DNAH6: variants seen among roughly 807,000 people sequenced by gnomAD.
The protein encoded by DNAH6 is dynein axonemal heavy chain 6, also known as axonemal beta dynein heavy chain 6.
DNAH6 carries 340 observed loss-of-function variants against 491.4 expected under a neutral mutation model. The ratio of observed to expected loss-of-function variants is 0.69; its 90% confidence interval spans 0.63 to 0.76. The LOEUF is 0.76. Among genes scored for constraint, DNAH6 ranks in the 30% least tolerant of loss-of-function variants. The pLI is 0.00. For synonymous variants in DNAH6, 1,603 were observed against 1,686.1 expected, an observed-to-expected ratio of 0.95 and a Z score of 1.21; for missense variants, 4,443 against 4,972.2, an observed-to-expected ratio of 0.89 and a Z score of 3.20.
intron 18 of DNAH6, among the ~76,000 whole-genome samples, chr2:84,597,508 AG>A (rs1426689717): frequency 6.6e-6 from 1 of 152,220 alleles, no homozygotes; most frequent in Non-Finnish European, 1.5e-5. Context: ...TGTTGCTGGT[AG>A]GATCGTAAGG....
At chr2:84,718,439 C>T (rs1697761051) in intron 59 of DNAH6, 55 bp downstream of exon 59, 2 of 1,402,650 alleles carry the variant, frequency 1.4e-6, no homozygotes, top group African/African-American at 2.9e-5. Flanking sequence ...AAAGTTATAA[C>T]TACAGCCTTT....
intron 3 of DNAH6, among the ~76,000 whole-genome samples, chr2:84,527,142 C>T (rs1173439629): frequency 6.6e-6 from 1 of 152,034 alleles, no homozygotes; most frequent in Admixed American, 6.6e-5. Context: ...AGGAGGATTT[C>T]CTGGGAGGTA....
chr2:84,545,161 A>T (rs1241553870), intron 5 of DNAH6, among the ~76,000 whole-genome samples: 1 of 152,176 alleles, frequency 6.6e-6, no homozygotes, highest in Non-Finnish European at 1.5e-5. Flanking sequence ...CTATGACACT[A>T]TCTCAAGTTT....
intron 63 of DNAH6, among the ~76,000 whole-genome samples, chr2:84,753,776 A>G (rs1323003933): frequency 6.7e-6 from 1 of 149,766 alleles, no homozygotes; most frequent in Non-Finnish European, 1.5e-5. Context: ...AAAAAAAAAA[A>G]AAAGTACAGT....
intron 45 of DNAH6, among the ~76,000 whole-genome samples, chr2:84,690,975 A>G (rs575337231): frequency 2.0e-5 from 3 of 152,354 alleles, no homozygotes; most frequent in African/African-American, 2.4e-5. Flanking sequence ...GTGCTTTCAA[A>G]GAGCAAATGC....
At chr2:84,687,568 T>C (rs977737141) in intron 44 of DNAH6, among the ~76,000 whole-genome samples, 1 of 152,206 alleles carries the variant, frequency 6.6e-6, no homozygotes, top group African/African-American at 2.4e-5. Context: ...TGGTCCAAAG[T>C]TTGTTTTCAA....
intron 71 of DNAH6, 88 bp downstream of exon 71, chr2:84,805,882 C>T: frequency 8.2e-7 from 1 of 1,213,966 alleles, no homozygotes; most frequent in Non-Finnish European, 1.1e-6. Context: ...TCAAAACCTG[C>T]TTATTATGTA....
intron 9 of DNAH6, 109 bp downstream of exon 9, chr2:84,550,166 A>C: frequency 1.1e-6 from 1 of 925,282 alleles, no homozygotes. Context: ...AAAAAGAGAA[A>C]TGCATAGAGC....
Position 84,669,352 on chromosome 2 carries a change from T to G in DNAH6, c.6148T>G (p.Trp2050Gly). ...CTTTGACACCAAACGGCTGGATCCCTGGGAACGAATCATACCTACTTTCAA... is the reference window on the plus strand; with the variant it reads ...CTTTGACACCAAACGGCTGGATCCCGGGGAACGAATCATACCTACTTTCAA... ...MDFDTKRLDP[W>G]ERIIPTFKYN... Residue 2050 changes from tryptophan to glycine, a missense_variant, in exon 38 of 77, where the codon TGG becomes GGG. Coordinates refer to ENST00000389394, the MANE Select transcript of DNAH6 (RefSeq NM_001370.2). 6.5e-7 allele frequency: 1 copy of G among 1,548,272 alleles called. No individual in the cohort carries two copies. Among genetic ancestry groups the G allele is most frequent in the Non-Finnish European group, 8.7e-7 (1 of 1,143,692 alleles).
chr2:84,672,311 C>T lies in DNAH6; in HGVS notation c.6455-16C>T. The T allele has an allele frequency of 3.3e-6, 5 of 1,536,722 alleles. No homozygotes were observed. The highest frequency in any genetic ancestry group is 4.4e-6 in the Non-Finnish European group (5 of 1,140,854). On this transcript the variant is annotated splice_polypyrimidine_tract_variant and intron_variant, in intron 39 of 76. Coordinates refer to ENST00000389394, the MANE Select transcript of DNAH6 (RefSeq NM_001370.2). Reference sequence around the variant, plus strand: ...AAAATCATAATTCTTAAATTAAATTCATTTTATTTCCCTAGGAGCACCGGG... The same window carrying T: ...AAAATCATAATTCTTAAATTAAATTTATTTTATTTCCCTAGGAGCACCGGG...
chr2:84,785,565 C>T (rs1408821190), intron 66 of DNAH6, 45 bp from the exon 67 acceptor site: 1 of 1,463,184 alleles, frequency 6.8e-7, no homozygotes, highest in Non-Finnish European at 9.0e-7. Context: ...TAATGCAAAT[C>T]TATAAAATCA....
intron 31 of DNAH6, 58 bp downstream of exon 31, chr2:84,637,435 C>G (rs571163365): frequency 2.1e-6 from 3 of 1,451,108 alleles, no homozygotes; most frequent in Non-Finnish European, 9.1e-7. Flanking sequence ...ATTTACCATT[C>G]GATTCTATCA....
intron 57 of DNAH6, among the ~76,000 whole-genome samples, chr2:84,714,390 G>A (rs1222273654): frequency 6.6e-6 from 1 of 152,118 alleles, no homozygotes; most frequent in Non-Finnish European, 1.5e-5. Context: ...GCCACTGCCA[G>A]GGCTCATGTC....
chr2:84,473,724 T>G, the DNAH6 span, among the ~76,000 whole-genome samples: 1 of 152,232 alleles, frequency 6.6e-6, no homozygotes, highest in Non-Finnish European at 1.5e-5. Context: ...TTGAACCTTT[T>G]GAGGCTTAAT....
intron 68 of DNAH6, 114 bp from the exon 69 acceptor site, chr2:84,796,192 C>T: frequency 1.5e-6 from 1 of 658,064 alleles, no homozygotes; most frequent in Non-Finnish European, 2.4e-6. Context: ...GTGTGCTTTC[C>T]ATTTTCAGTA....
intron 4 of DNAH6, among the ~76,000 whole-genome samples, chr2:84,535,896 C>T (rs749651028): frequency 4.6e-5 from 7 of 151,874 alleles, no homozygotes; most frequent in Non-Finnish European, 7.4e-5. Context: ...GAAAAAAGAA[C>T]TCTCTGGGGA....
chr2:84,545,853 T>A (rs1470210141), intron 5 of DNAH6, among the ~76,000 whole-genome samples: 1 of 152,212 alleles, frequency 6.6e-6, no homozygotes, highest in African/African-American at 2.4e-5. Context: ...TGATTTTTTT[T>A]AAAATAACCA....
chr2:84,561,007 T>TA (rs1204844941), intron 11 of DNAH6, among the ~76,000 whole-genome samples: 5 of 151,636 alleles, frequency 3.3e-5, no homozygotes, highest in African/African-American at 1.2e-4. Flanking sequence ...ATGGTATTTC[T>TA]AGTTCTAGAT....
chr2:84,569,946 T>C (rs1573050048), intron 11 of DNAH6, among the ~76,000 whole-genome samples: 1 of 152,082 alleles, frequency 6.6e-6, no homozygotes, highest in East Asian at 1.9e-4. Flanking sequence ...GTTTTGTGAT[T>C]GTATGTGGGG....
Sources: gnomAD v4.1 joint callset for allele counts (sites outside exome capture counted in the v4.1 genomes callset) on GRCh38, gnomAD v4.1.1 for gene constraint, MANE v1.5 for transcripts, NCBI Gene and HGNC (gene_info 2026-07-23, HGNC 2026-07-21) for gene names.